LY96: variants seen among roughly 807,000 people sequenced by gnomAD.
LY96 encodes the protein lymphocyte antigen 96, also known as myeloid differentiation protein-2.
LY96 carries 18 observed loss-of-function variants against 18.9 expected under a neutral mutation model. That is an observed-to-expected ratio of 0.95 (90% confidence interval 0.66 to 1.41). The LOEUF (loss-of-function observed/expected upper bound fraction) is 1.41. Among genes scored for constraint, LY96 ranks in the 40% most tolerant of loss-of-function variants. The pLI, the probability that LY96 is intolerant of heterozygous loss-of-function variation, is 0.00. For synonymous variants in LY96, 66 were observed against 62.6 expected, an observed-to-expected ratio of 1.06 and a Z score of -0.26; for missense variants, 175 against 182.4, an observed-to-expected ratio of 0.96 and a Z score of 0.23.
At chr8:74,080,209 T>G in the LY96 span, among the ~76,000 whole-genome samples, 4 of 152,176 alleles carry the variant, frequency 2.6e-5, no homozygotes, top group African/African-American at 9.7e-5. Flanking sequence ...TGGGTCTGCC[T>G]GGGGTGGTAA....
At chr8:74,078,369 A>G in the LY96 span, among the ~76,000 whole-genome samples, 1 of 152,204 alleles carries the variant, frequency 6.6e-6, no homozygotes, top group African/African-American at 2.4e-5. Flanking sequence ...GACAGGACAG[A>G]AAGCAAACTA....
chr8:73,998,975 A>AT (rs35692787), intron 1 of LY96, among the ~76,000 whole-genome samples: 71,056 of 146,666 alleles, frequency 0.48, 17,079 homozygotes, highest in African/African-American at 0.54. Flanking sequence ...GCTTGTTATA[A>AT]TTTTTTTTTT....
the LY96 span, among the ~76,000 whole-genome samples, chr8:74,038,625 A>C: frequency 2.4e-4 from 36 of 152,328 alleles, no homozygotes; most frequent in Admixed American, 1.2e-3. Flanking sequence ...TCTTGGCCTC[A>C]AGGGAGGCCT....
chr8:74,029,098 G>A (rs1038607235), downstream of LY96: 1 of 1,122,884 alleles, frequency 8.9e-7, no homozygotes, highest in African/African-American at 1.5e-5. Flanking sequence ...TATTGTTCCT[G>A]TTTTAAGGGT....
At chr8:74,007,114 C>G (rs565027237) in intron 2 of LY96, among the ~76,000 whole-genome samples, 1 of 152,324 alleles carries the variant, frequency 6.6e-6, no homozygotes, top group Non-Finnish European at 1.5e-5. Context: ...ATAGGAAGCC[C>G]CAGAGCAGAA....
At chr8:74,053,511 T>G in the LY96 span, among the ~76,000 whole-genome samples, 1 of 152,192 alleles carries the variant, frequency 6.6e-6, no homozygotes. Context: ...TCAGCCTCAT[T>G]CCTTGCAGTG....
the LY96 span, among the ~76,000 whole-genome samples, chr8:74,066,092 T>C: frequency 6.6e-6 from 1 of 152,162 alleles, no homozygotes; most frequent in Admixed American, 6.5e-5. Flanking sequence ...ATAATAGACA[T>C]TTATTTCTCA....
At chr8:74,004,774 A>G (rs1005395506) in intron 1 of LY96, 22 bp from the exon 2 acceptor site, 2 of 1,532,040 alleles carry the variant, frequency 1.3e-6, no homozygotes, top group African/African-American at 1.4e-5. Context: ...TAATTTATTG[A>G]CATTATCTTT....
At chr8:74,054,224 A>G in the LY96 span, among the ~76,000 whole-genome samples, 1 of 152,076 alleles carries the variant, frequency 6.6e-6, no homozygotes, top group Non-Finnish European at 1.5e-5. Context: ...ATGGGGTCTC[A>G]CCACATTGGT....
At chr8:73,993,364 C>T (rs1036190345) in intron 1 of LY96, among the ~76,000 whole-genome samples, 8 of 152,046 alleles carry the variant, frequency 5.3e-5, no homozygotes, top group African/African-American at 1.9e-4. Context: ...CAACCTCCAC[C>T]TCCCTGGCTC....
At chr8:74,013,011 C>T (rs1288728967) in intron 3 of LY96, among the ~76,000 whole-genome samples, 1 of 151,946 alleles carries the variant, frequency 6.6e-6, no homozygotes. Context: ...GATTAGAGTG[C>T]AGTGGTGCAA....
At chr8:74,092,958 G>T in the LY96 span, among the ~76,000 whole-genome samples, 1 of 152,082 alleles carries the variant, frequency 6.6e-6, no homozygotes, top group African/African-American at 2.4e-5. Flanking sequence ...TGATTTGATT[G>T]TTTTTCTTTG....
the LY96 span, among the ~76,000 whole-genome samples, chr8:74,034,774 C>T: frequency 1.3e-4 from 20 of 152,290 alleles, no homozygotes; most frequent in Non-Finnish European, 2.1e-4. Flanking sequence ...AAACACCCTC[C>T]TTCTAGGCCC....
At chr8:73,999,371 T>A (rs1328856740) in intron 1 of LY96, among the ~76,000 whole-genome samples, 1 of 152,208 alleles carries the variant, frequency 6.6e-6, no homozygotes, top group African/African-American at 2.4e-5. Context: ...GCTCAAGTGA[T>A]CTTCCCACCT....
chr8:74,084,184 AT>A, the LY96 span, among the ~76,000 whole-genome samples: 1 of 152,180 alleles, frequency 6.6e-6, no homozygotes, highest in Admixed American at 6.5e-5. Flanking sequence ...AGATGTAAAC[AT>A]TTAGCTTGAG....
downstream of LY96, among the ~76,000 whole-genome samples, chr8:74,029,806 C>A (rs959335412): frequency 4.6e-5 from 7 of 152,260 alleles, no homozygotes; most frequent in Non-Finnish European, 7.4e-5. Context: ...ATTACAGGCA[C>A]CTGCCATCAC....
the LY96 span, among the ~76,000 whole-genome samples, chr8:74,070,115 G>T: frequency 1.4e-5 from 2 of 144,906 alleles, no homozygotes; most frequent in Non-Finnish European, 1.5e-5. Flanking sequence ...TTTTTGAGAC[G>T]CGGTGTCACT....
chr8:73,997,053 TTTAG>T (rs138082733), intron 1 of LY96, among the ~76,000 whole-genome samples: 2,204 of 152,222 alleles, frequency 0.014, 39 homozygotes, highest in African/African-American at 0.049. Context: ...TCTGTATTTT[TTTAG>T]TAGAGACCAG....
the LY96 span, among the ~76,000 whole-genome samples, chr8:74,077,331 C>G: frequency 9.2e-5 from 14 of 152,292 alleles, no homozygotes; most frequent in East Asian, 2.5e-3. Context: ...ACACTCCTGT[C>G]GCTCAGGAAA....
Sources: allele counts gnomAD v4.1 joint callset (sites outside exome capture counted in the v4.1 genomes callset), GRCh38; gene constraint gnomAD v4.1.1; transcripts MANE v1.5; gene names NCBI Gene and HGNC (gene_info 2026-07-23, HGNC 2026-07-21).